DLG2: variants seen among roughly 807,000 people sequenced by gnomAD.
DLG2 encodes discs large MAGUK scaffold protein 2, also known as disks large homolog 2.
A neutral mutation model predicts 132.5 loss-of-function variants in DLG2; 45 were observed. That is an observed-to-expected ratio of 0.34 (90% CI 0.27 to 0.44). The LOEUF (loss-of-function observed/expected upper bound fraction) is 0.44. Among genes scored for constraint, DLG2 ranks in the 20% least tolerant of loss-of-function variants. DLG2 has a pLI of 1.00. For missense variants in DLG2, 1,045 were observed against 1,196.9 expected (o/e 0.87, Z 1.87); for synonymous variants, 424 against 419.6 (o/e 1.01, Z -0.13).
In DLG2 at chr11:84,401,643, C is replaced by A. The variant is rs533288985; in HGVS notation, c.519+132927G>T. 8.5e-5 allele frequency among the ~76,000 whole-genome samples: 13 copies of A among 152,278 alleles called. No homozygotes were observed. In the South Asian group the frequency reaches 2.7e-3, roughly 32 times the overall value. On this transcript the variant is annotated intron_variant, in intron 7 of 27. Coordinates refer to ENST00000376104, the MANE Select transcript of DLG2 (RefSeq NM_001142699.3). ...GCAGAAGACAAAAGTACACTGGACC[C>A]AGCAAAAGAGTTATTCTGGGTGGTG... is the stretch of plus-strand genomic sequence containing the variant.
At chr11:84,166,811 T>C (rs1026007951) in intron 8 of DLG2, 2 of 443,358 alleles carry the variant, frequency 4.5e-6, no homozygotes, top group African/African-American at 2.0e-5. Context: ...AAACAATCCA[T>C]TGTTGTTTGA....
chr11:85,617,905 AC>A (rs2081448192), intron 2 of DLG2, among the ~76,000 whole-genome samples: 1 of 152,192 alleles, frequency 6.6e-6, no homozygotes. Flanking sequence ...CAAAAATCTT[AC>A]CCATAATCTT....
intron 11 of DLG2, among the ~76,000 whole-genome samples, chr11:84,001,363 A>T (rs2154044772): frequency 6.6e-6 from 1 of 151,690 alleles, no homozygotes; most frequent in East Asian, 1.9e-4. Context: ...TCAGAAAATT[A>T]TATAATGATA....
intron 5 of DLG2, among the ~76,000 whole-genome samples, chr11:85,117,509 A>G (rs2073780801): frequency 1.3e-5 from 2 of 151,936 alleles, no homozygotes; most frequent in Admixed American, 1.3e-4. Flanking sequence ...GGCAAAAAAC[A>G]CAATTCCAGT....
chr11:85,239,914 C>T (rs1271623392), intron 4 of DLG2, among the ~76,000 whole-genome samples: 2 of 151,906 alleles, frequency 1.3e-5, no homozygotes, highest in African/African-American at 4.8e-5. Flanking sequence ...AGGGTATATA[C>T]CTAGGACTAG....
Position 83,791,059 on chromosome 11 carries a change from C to T in DLG2, c.1723-4267G>A, listed in dbSNP as rs1295283142. The T allele has an allele frequency of 5.6e-6, 4 of 715,040 alleles. No individual in the cohort carries two copies. The African/African-American group carries it at 7.2e-5, about 13-fold the overall frequency. 44.3% of individuals were successfully genotyped at this position (715,040 alleles called of 1,614,324 possible). A position where few individuals can be genotyped will look rare whatever the true frequency, so the allele number is the denominator to read the frequency against. On this transcript the variant is annotated intron_variant, in intron 17 of 27. Transcript: ENST00000376104. The stretch of plus-strand genomic sequence containing the variant: ...GTCTCAGACTGAAGGTCGTGGAAAT[C>T]CTTTCGGACGCCATTCAGGGGTGGA...
At chr11:84,352,461 T>C (rs896878315) in intron 7 of DLG2, among the ~76,000 whole-genome samples, 1 of 152,156 alleles carries the variant, frequency 6.6e-6, no homozygotes. Flanking sequence ...AATGATGAAG[T>C]TGTTTTTGTA....
intron 11 of DLG2, among the ~76,000 whole-genome samples, chr11:84,035,881 G>A (rs566092564): frequency 1.3e-5 from 2 of 152,174 alleles, no homozygotes; most frequent in Admixed American, 6.6e-5. Context: ...GGATGTGAGT[G>A]TGAGTCAGAA....
At chr11:83,861,373 G>T (rs986265875) in intron 16 of DLG2, among the ~76,000 whole-genome samples, 13 of 152,172 alleles carry the variant, frequency 8.5e-5, no homozygotes, top group African/African-American at 2.7e-4. Flanking sequence ...CACTCCCACT[G>T]CTAGGTATAT....
rs551357759 is a variant in DLG2, at chr11:84,853,535, A to C, written c.357+258126T>G. Among the ~76,000 whole-genome samples, 3 of 152,124 alleles carry C rather than the reference A, an allele frequency of 2.0e-5. No homozygotes were observed. The South Asian group carries it at 6.2e-4, about 31-fold the overall frequency. On this transcript the variant is annotated intron_variant, in intron 6 of 27. Coordinates refer to ENST00000376104, the MANE Select transcript of DLG2 (RefSeq NM_001142699.3). ...ATATCATAATTTCCATTCCAATTTC[A>C]GTTTATCTGTTCTCTCATGTATTAA...
At chr11:84,388,361 A>T (rs964774769) in intron 7 of DLG2, among the ~76,000 whole-genome samples, 9 of 152,076 alleles carry the variant, frequency 5.9e-5, no homozygotes, top group African/African-American at 2.2e-4. Flanking sequence ...AATTTTCCAA[A>T]TTGCCTACAG....
At chr11:84,358,060 C>T (rs1263886440) in intron 7 of DLG2, among the ~76,000 whole-genome samples, 1 of 151,942 alleles carries the variant, frequency 6.6e-6, no homozygotes, top group Non-Finnish European at 1.5e-5. Context: ...ATTGTGCTTT[C>T]CAATCTACAA....
chr11:84,618,658 C>T (rs952291055), intron 6 of DLG2, among the ~76,000 whole-genome samples: 1 of 151,968 alleles, frequency 6.6e-6, no homozygotes, highest in African/African-American at 2.4e-5. Context: ...TCTTTTGGCT[C>T]CAATCAAAAA....
At chr11:85,010,605 T>C (rs1048325310) in intron 6 of DLG2, among the ~76,000 whole-genome samples, 1 of 152,122 alleles carries the variant, frequency 6.6e-6, no homozygotes, top group Non-Finnish European at 1.5e-5. Flanking sequence ...ACCTGCATTG[T>C]CCAAAGGGAC....
intron 15 of DLG2, among the ~76,000 whole-genome samples, chr11:83,884,089 G>A (rs1373500312): frequency 2.0e-5 from 3 of 152,180 alleles, no homozygotes; most frequent in Non-Finnish European, 2.9e-5. Flanking sequence ...CAGACAGTGG[G>A]TACAGGACAG....
chr11:84,385,995 A>G (rs1189887637), intron 7 of DLG2, among the ~76,000 whole-genome samples: 1 of 152,106 alleles, frequency 6.6e-6, no homozygotes, highest in African/African-American at 2.4e-5. Flanking sequence ...GAGGAGACAA[A>G]TCACAAGAGG....
At chr11:84,281,378 C>T (rs187818381) in intron 7 of DLG2, among the ~76,000 whole-genome samples, 138 of 152,072 alleles carry the variant, frequency 9.1e-4, no homozygotes, top group Middle Eastern at 3.4e-3. Flanking sequence ...GAGATACTTA[C>T]AAATCATACA....
intron 6 of DLG2, among the ~76,000 whole-genome samples, chr11:84,848,839 A>T (rs977346266): frequency 1.3e-5 from 2 of 152,168 alleles, no homozygotes; most frequent in Non-Finnish European, 2.9e-5. Context: ...TAATGATGGT[A>T]CTTAATTAAG....
At chr11:85,141,418 GT>G (rs960223089) in intron 5 of DLG2, among the ~76,000 whole-genome samples, 4 of 151,194 alleles carry the variant, frequency 2.6e-5, no homozygotes, top group Non-Finnish European at 4.4e-5. Context: ...CAGATTATTT[GT>G]TTTTTTTCCC....
Sources: gnomAD v4.1 joint callset for allele counts (sites outside exome capture counted in the v4.1 genomes callset) on GRCh38, gnomAD v4.1.1 for gene constraint, MANE v1.5 for transcripts, NCBI Gene and HGNC (gene_info 2026-07-23, HGNC 2026-07-21) for gene names.